The following GALNT17 variants were observed in gnomAD, a reference collection of about 807,000 sequenced individuals.
GALNT17 encodes the protein UDP-GalNAc:polypeptide N-acetylgalactosaminyltransferase-like 3.
Under a neutral mutation model 63.7 loss-of-function variants are expected in GALNT17, and 29 were observed. That is an observed-to-expected ratio of 0.46 (90% CI 0.34 to 0.62). The LOEUF is 0.62. GALNT17 is among the 20% of genes least tolerant of loss of function. The probability of loss-of-function intolerance (pLI) is 0.01; values close to 1 mark genes in which losing one functional copy is unlikely to be tolerated. For missense variants in GALNT17, 603 were observed against 799.6 expected, an observed-to-expected ratio of 0.75 and a Z score of 2.97; for synonymous variants, 305 against 318.3, an observed-to-expected ratio of 0.96 and a Z score of 0.45.
intron 9 of GALNT17, among the ~76,000 whole-genome samples, chr7:71,707,469 C>T (rs113998288): frequency 0.021 from 3,179 of 152,276 alleles, 121 homozygotes; most frequent in African/African-American, 0.07. Flanking sequence ...GGAAGGTTGC[C>T]GGGCAACACC....
intron 6 of GALNT17, among the ~76,000 whole-genome samples, chr7:71,654,303 G>C (rs977387501): frequency 3.3e-5 from 5 of 152,178 alleles, no homozygotes; most frequent in Admixed American, 2.6e-4. Flanking sequence ...GGAATTACAG[G>C]CATGAGCCAC....
chr7:71,709,316 G>A (rs867996618), intron 9 of GALNT17, among the ~76,000 whole-genome samples: 4 of 152,300 alleles, frequency 2.6e-5, no homozygotes, highest in Middle Eastern at 3.4e-3. Flanking sequence ...GATTAGTGAT[G>A]ATGAGCATTT....
chr7:71,224,776 G>A (rs1463880265), intron 1 of GALNT17, among the ~76,000 whole-genome samples: 1 of 152,134 alleles, frequency 6.6e-6, no homozygotes, highest in African/African-American at 2.4e-5. Context: ...TGCTATGAGA[G>A]CCCCAGGTGG....
intron 8 of GALNT17, 62 bp downstream of exon 8, chr7:71,670,171 G>C (rs575676835): frequency 5.0e-6 from 8 of 1,605,140 alleles, no homozygotes; most frequent in Middle Eastern, 1.7e-4. Flanking sequence ...GGGTTGCTTC[G>C]CTGGGGAGAA....
At chr7:71,693,015 C>T (rs753271356) in intron 9 of GALNT17, among the ~76,000 whole-genome samples, 83 of 151,294 alleles carry the variant, frequency 5.5e-4, no homozygotes, top group Non-Finnish European at 1.0e-3. Context: ...CATGAGCCAC[C>T]GCACCCAGCC....
chr7:71,596,245 G>A (rs145947869), intron 6 of GALNT17, among the ~76,000 whole-genome samples: 4,995 of 152,102 alleles, frequency 0.033, 109 homozygotes, highest in Non-Finnish European at 0.049. Flanking sequence ...TCACCATGTT[G>A]GCCAGGCTGG....
At chr7:71,477,227 C>T (rs1787739104) in intron 5 of GALNT17, among the ~76,000 whole-genome samples, 1 of 152,002 alleles carries the variant, frequency 6.6e-6, no homozygotes, top group Admixed American at 6.6e-5. Context: ...TGAGTGGGAA[C>T]CAATGATTAT....
intron 6 of GALNT17, among the ~76,000 whole-genome samples, chr7:71,615,873 T>C (rs547636252): frequency 6.6e-6 from 1 of 152,230 alleles, no homozygotes; most frequent in South Asian, 2.1e-4. Flanking sequence ...TAGCCTCCAC[T>C]CGGCTTGACA....
At chr7:71,616,429 T>A (rs966612010) in intron 6 of GALNT17, among the ~76,000 whole-genome samples, 3 of 149,220 alleles carry the variant, frequency 2.0e-5, no homozygotes, top group Non-Finnish European at 4.5e-5. Context: ...GAAATATTTT[T>A]TTATTATTAT....
chr7:71,453,204 C>T (rs1583967542), intron 5 of GALNT17, among the ~76,000 whole-genome samples: 1 of 152,148 alleles, frequency 6.6e-6, no homozygotes, highest in Non-Finnish European at 1.5e-5. Flanking sequence ...AACCAGATTT[C>T]ATTTGGAACA....
intron 1 of GALNT17, among the ~76,000 whole-genome samples, chr7:71,257,356 G>T (rs17594016): frequency 6.6e-6 from 1 of 152,094 alleles, no homozygotes; most frequent in Non-Finnish European, 1.5e-5. Flanking sequence ...TCTCCTGAAA[G>T]TTCAGCCTTA....
At chr7:71,685,843 G>A (rs186862335) in intron 9 of GALNT17, 1 of 150,450 alleles carries the variant, frequency 6.6e-6, no homozygotes. Flanking sequence ...TTTAGGCCTA[G>A]TGTCCCAGCT....
intron 1 of GALNT17, among the ~76,000 whole-genome samples, chr7:71,264,834 TG>T (rs1790458370): frequency 6.6e-6 from 1 of 151,650 alleles, no homozygotes; most frequent in Admixed American, 6.6e-5. Context: ...GAAGGGTGAA[TG>T]GCAGGGGTAG....
rs74300699 is a variant in GALNT17, at chr7:71,486,406, C to A, written c.962+65301C>A. Among the ~76,000 whole-genome samples, 251 of 149,520 alleles carry A rather than the reference C, an allele frequency of 1.7e-3. 9 individuals carry two copies. The East Asian group carries it at 0.039, about 23-fold the overall frequency. On this transcript the variant is annotated intron_variant, in intron 5 of 10. Transcript: ENST00000333538. The stretch of plus-strand genomic sequence containing the variant: ...ATAATAATAGTAAATAATATATTTC[C>A]TCCCTGGTCTTGACTTCATTTGCAG...
intron 5 of GALNT17, among the ~76,000 whole-genome samples, chr7:71,473,661 A>G (rs1787678085): frequency 6.6e-6 from 1 of 152,012 alleles, no homozygotes; most frequent in South Asian, 2.1e-4. Flanking sequence ...CAGGAATCCA[A>G]TGTTTCAGGT....
At chr7:71,585,067 GTTCC>G (rs1789695425) in intron 6 of GALNT17, among the ~76,000 whole-genome samples, 1 of 152,120 alleles carries the variant, frequency 6.6e-6, no homozygotes, top group Non-Finnish European at 1.5e-5. Flanking sequence ...TCTTTAACTT[GTTCC>G]TTTAATCTTC....
intron 5 of GALNT17, among the ~76,000 whole-genome samples, chr7:71,537,147 T>C (rs1788814542): frequency 6.6e-6 from 1 of 152,262 alleles, no homozygotes; most frequent in South Asian, 2.1e-4. Context: ...AATTGATCTC[T>C]CGGCTTCAGG....
At chr7:71,459,683 C>T (rs1227420330) in intron 5 of GALNT17, among the ~76,000 whole-genome samples, 1 of 152,014 alleles carries the variant, frequency 6.6e-6, no homozygotes, top group Non-Finnish European at 1.5e-5. Flanking sequence ...CCTGCAAAGC[C>T]ATTCATTGTG....
chr7:71,530,398 G>A (rs945285964), intron 5 of GALNT17, among the ~76,000 whole-genome samples: 3 of 152,094 alleles, frequency 2.0e-5, no homozygotes, highest in Admixed American at 2.0e-4. Context: ...ACGAATGTTA[G>A]GAGATAAGTA....
Sources: gnomAD v4.1 joint callset for allele counts (sites outside exome capture counted in the v4.1 genomes callset) on GRCh38, gnomAD v4.1.1 for gene constraint, MANE v1.5 for transcripts, NCBI Gene and HGNC (gene_info 2026-07-23, HGNC 2026-07-21) for gene names.